PLA2G6: variants seen among roughly 807,000 people sequenced by gnomAD.
The protein encoded by PLA2G6 is 85/88 kDa calcium-independent phospholipase A2.
In PLA2G6, 62 loss-of-function variants were observed where a neutral mutation model predicts 83.8. The ratio of observed to expected loss-of-function variants is 0.74; its 90% confidence interval spans 0.60 to 0.91. The LOEUF is 0.91. Ranked by LOEUF, PLA2G6 falls within the 40% of genes least tolerant of loss-of-function variation. The pLI, the probability that PLA2G6 is intolerant of heterozygous loss-of-function variation, is 0.00. For missense variants in PLA2G6, 944 were observed against 1,102.0 expected (o/e 0.86, Z 2.03); for synonymous variants, 417 against 449.8 (o/e 0.93, Z 0.92).
chr22:38,115,461 G>T, intron 14 of PLA2G6, 66 bp downstream of exon 14: 1 of 1,497,912 alleles, frequency 6.7e-7, no homozygotes, highest in South Asian at 1.1e-5. Flanking sequence ...TCCCTAGCAT[G>T]GTTTGCTGAC....
At position 38,123,716 on chromosome 22, in the gene PLA2G6, G is replaced by A. The variant is rs1311889130; in HGVS notation, c.1428-458C>T. 6.6e-6 allele frequency among the ~76,000 whole-genome samples: 1 copy of A among 152,162 alleles called. No individual in the cohort carries two copies. Among genetic ancestry groups the A allele is most frequent in the African/African-American group, 2.4e-5 (1 of 41,442 alleles). ...GCCTCCACACAAGGTGGAAGAAGCA[G>A]GGGAGGAGGGGGCAGGGAGGAAGGG... On this transcript the variant is annotated intron_variant, in intron 10 of 16. Transcript: ENST00000332509. The surrounding 1 kb of genome is among the most constrained non-coding windows in gnomAD (Gnocchi z 4.1).
In PLA2G6 at chr22:38,158,451, G is replaced by A. The variant is rs375916754; in HGVS notation, c.209+10767C>T. On this transcript the variant is annotated intron_variant, in intron 2 of 16. Transcript: ENST00000332509. ...CTCCCACAGTGCTGGGATTACAGGC[G>A]TGAGCCACTGCAACCCGCCACGTCA... 8.0e-4 allele frequency among the ~76,000 whole-genome samples: 122 copies of A among 152,278 alleles called. 2 individuals are homozygous for A. The South Asian group carries it at 0.023, about 29-fold the overall frequency.
At position 38,112,166 on chromosome 22, in the gene PLA2G6, G is replaced by T; in HGVS notation, c.2416C>A (p.Pro806Thr). Residue 806 changes from proline to threonine, a missense_variant, in exon 17 of 17, where the codon CCC (proline) becomes ACC (threonine). Pro to Thr is a conservative substitution (Grantham distance 38). Coordinates refer to ENST00000332509, the MANE Select transcript of PLA2G6 (RefSeq NM_003560.4). ...FQKLIQLLLS[P>T] Reference sequence around the variant, plus strand: ...CGGTGAGAGGCTGGGGACCCTCAGGGTGAGAGCAGCAGCTGGATGAGCTTC... The same window carrying T: ...CGGTGAGAGGCTGGGGACCCTCAGGTTGAGAGCAGCAGCTGGATGAGCTTC... 6.3e-7 allele frequency: 1 copy of T among 1,582,510 alleles called. No individual in the cohort carries two copies. Among genetic ancestry groups the T allele is most frequent in the Non-Finnish European group, 8.6e-7 (1 of 1,164,780 alleles).
At chr22:38,131,132 G>A (rs1163750364) in intron 7 of PLA2G6, 1 of 152,208 alleles carries the variant, frequency 6.6e-6, no homozygotes, top group Non-Finnish European at 1.5e-5. Flanking sequence ...AGTTCTTAAA[G>A]TAAGACCTGG....
intron 2 of PLA2G6, chr22:38,146,819 G>A (rs1462140709): frequency 1.0e-5 from 1 of 99,474 alleles, no homozygotes; most frequent in East Asian, 2.6e-4. Context: ...CATTCTTGTT[G>A]CCCAGGCTGG....
intron 2 of PLA2G6, among the ~76,000 whole-genome samples, chr22:38,167,145 G>A (rs181436172): frequency 3.3e-5 from 5 of 149,702 alleles, no homozygotes; most frequent in East Asian, 2.0e-4. Flanking sequence ...GGAGAATGGC[G>A]TGAACCTGGG....
intron 2 of PLA2G6, among the ~76,000 whole-genome samples, chr22:38,162,707 T>C (rs2090066775): frequency 6.6e-6 from 1 of 152,090 alleles, no homozygotes; most frequent in Non-Finnish European, 1.5e-5. Flanking sequence ...CGTAGATACC[T>C]ATCACCGGGG....
In PLA2G6 at chr22:38,126,420, C is replaced by G. The variant is rs752260146; in HGVS notation, c.1378G>C (p.Ala460Pro). The G allele has an allele frequency of 6.2e-7, 1 of 1,613,594 alleles. No homozygotes were observed. The highest frequency in any genetic ancestry group is 1.3e-5 in the African/African-American group (1 of 75,006). Residue 460 changes from alanine (A) to proline (P), a missense_variant, in exon 10 of 17, where the codon GCC (alanine) becomes CCC (proline). By Grantham distance (27) the Ala-to-Pro change is conservative (BLOSUM62 -1). Transcript: ENST00000332509. Reference sequence around the variant, plus strand: ...CCCAGGATGAACGCTGGCTTCCGGGCCCGTGAGATGTGCATGAGATCCTGT... The same window carrying G: ...CCCAGGATGAACGCTGGCTTCCGGGGCCGTGAGATGTGCATGAGATCCTGT... ...ELQDLMHISRARKPAFILGSM... is the reference protein window; with the variant it reads ...ELQDLMHISRPRKPAFILGSM...
chr22:38,120,377 T>C (rs1443021561), intron 12 of PLA2G6, among the ~76,000 whole-genome samples: 1 of 152,260 alleles, frequency 6.6e-6, no homozygotes, highest in Non-Finnish European at 1.5e-5. Flanking sequence ...TCCTTTTGCC[T>C]GGGCAGCAAA....
intron 4 of PLA2G6, 145 bp downstream of exon 4, chr22:38,142,960 C>T: frequency 1.2e-6 from 1 of 805,300 alleles, no homozygotes; most frequent in East Asian, 2.4e-5. Flanking sequence ...GAGGGGTCTG[C>T]ACCCTCCATG....
chr22:38,132,723 G>A lies in PLA2G6; in HGVS notation c.1077+108C>T, dbSNP rs1268117820. ...GCTTTGGGTGGGAAGATGATTTGGA[G>A]CAGCTGACGATAGGAGGGAGACAGT... On this transcript the variant is annotated intron_variant, in intron 7 of 16. Transcript: ENST00000332509. This position sits in a 1 kb window ranked among gnomAD's most constrained non-coding sequence, Gnocchi z 5.0. 3 of 991,766 alleles carry A rather than the reference G, an allele frequency of 3.0e-6. No individual in the cohort carries two copies. The Admixed American group carries it at 6.4e-5, about 21-fold the overall frequency. 61.4% of individuals were successfully genotyped at this position (991,766 alleles called of 1,614,324 possible).
intron 2 of PLA2G6, among the ~76,000 whole-genome samples, chr22:38,162,802 G>A (rs1285293737): frequency 6.6e-6 from 1 of 152,166 alleles, no homozygotes; most frequent in African/African-American, 2.4e-5. Flanking sequence ...CCCAGTGGGA[G>A]AGGGACTGGG....
intron 9 of PLA2G6, chr22:38,127,304 G>A: frequency 7.8e-7 from 1 of 1,275,000 alleles, no homozygotes; most frequent in South Asian, 1.3e-5. Flanking sequence ...AGGGGAGGGG[G>A]CGTGTGGTGT....
rs955017943 is a variant in PLA2G6 at position 38,117,352 on chromosome 22, C to T, written c.1743-1141G>A. Among the ~76,000 whole-genome samples the T allele has an allele frequency of 2.2e-3, 329 of 152,178 alleles. 1 individual carries two copies. Among genetic ancestry groups the T allele is most frequent in the African/African-American group, 7.3e-3 (304 of 41,536 alleles). On this transcript the variant is annotated intron_variant, in intron 12 of 16. Coordinates refer to ENST00000332509, the MANE Select transcript of PLA2G6 (RefSeq NM_003560.4). ...CTCTCTGAGTAGCTGGGACTACAGG[C>T]GCCCGCCACCACGCCCGGCTAATTT...
At chr22:38,115,443 G>A (rs1249792775) in intron 14 of PLA2G6, 84 bp downstream of exon 14, 3 of 1,297,954 alleles carry the variant, frequency 2.3e-6, no homozygotes, top group Non-Finnish European at 2.2e-6. Flanking sequence ...TGCTGTCCTG[G>A]GGGTCGGTCC....
intron 2 of PLA2G6, chr22:38,147,058 G>A (rs1315706283): frequency 2.0e-5 from 3 of 152,242 alleles, no homozygotes; most frequent in African/African-American, 7.2e-5. Flanking sequence ...TAGGATTACA[G>A]GCATGAGCCA....
Position 38,132,906 on chromosome 22 carries a change from T to C in PLA2G6, c.1002A>G (p.Ile334Met), listed in dbSNP as rs116030378. Residue 334 changes from isoleucine to methionine, a missense_variant, in exon 7 of 17, where the codon ATA becomes ATG. Physicochemically the swap from Ile to Met is conservative, Grantham distance 10 (BLOSUM62 1). Transcript: ENST00000332509. This position sits in a 1 kb window ranked among gnomAD's most constrained non-coding sequence, Gnocchi z 5.0. ...AVMRNRFDCA[I>M]VLLTHGANAD... ...CGTTGGCCCCGTGGGTCAGCAGCAC[T>C]ATGGCACAGTCGAAGCGGTTGCGCA... is the stretch of plus-strand genomic sequence containing the variant. The C allele has an allele frequency of 9.6e-6, 15 of 1,556,484 alleles. No homozygotes were observed. In the South Asian group the frequency reaches 1.2e-4, roughly 12 times the overall value.
At chr22:38,165,935 A>T (rs1389162628) in intron 2 of PLA2G6, among the ~76,000 whole-genome samples, 1 of 152,194 alleles carries the variant, frequency 6.6e-6, no homozygotes, top group Non-Finnish European at 1.5e-5. Context: ...TGGGGAGTAA[A>T]GCAGGGGAGT....
rs754692591 is a variant in PLA2G6, at chr22:38,132,070, G to A, written c.1077+761C>T. ...GCGGAGGTTGTGGTGAGCCGAGATCGCGCCACTGCACTCCAGCCTGGGCGA... is the reference window on the plus strand; with the variant it reads ...GCGGAGGTTGTGGTGAGCCGAGATCACGCCACTGCACTCCAGCCTGGGCGA... On this transcript the variant is annotated intron_variant, in intron 7 of 16. Transcript: ENST00000332509. This position sits in a 1 kb window ranked among gnomAD's most constrained non-coding sequence, Gnocchi z 5.0. The A allele has an allele frequency of 2.9e-5, 13 of 447,458 alleles. No individual in the cohort carries two copies. Among genetic ancestry groups the A allele is most frequent in the African/African-American group, 1.0e-4 (5 of 49,604 alleles). The allele number at this position is 447,458 out of a possible 1,614,324, so 27.7% of individuals were successfully genotyped here. A position where few individuals can be genotyped will look rare whatever the true frequency, so the allele number is the denominator to read the frequency against.
Sources: gnomAD v4.1 joint callset for allele counts (sites outside exome capture counted in the v4.1 genomes callset) on GRCh38, gnomAD v4.1.1 for gene constraint, Gnocchi (gnomAD v3.1) non-coding constraint, MANE v1.5 for transcripts, NCBI Gene and HGNC (gene_info 2026-07-23, HGNC 2026-07-21) for gene names.